The following DPY19L2 variants were observed in gnomAD, a reference collection of about 807,000 sequenced individuals.
The protein encoded by DPY19L2 is probable C-mannosyltransferase DPY19L2.
In DPY19L2, 34 loss-of-function variants were observed where a neutral mutation model predicts 97.9. The ratio of observed to expected loss-of-function variants is 0.35; its 90% confidence interval spans 0.26 to 0.46. The LOEUF (loss-of-function observed/expected upper bound fraction) is 0.46, where lower values mean the gene tolerates loss of function less well. Among genes scored for constraint, DPY19L2 ranks in the 20% least tolerant of loss-of-function variants. The pLI is 1.00. For synonymous variants in DPY19L2, 230 were observed against 307.9 expected, an observed-to-expected ratio of 0.75 and a Z score of 2.65; for missense variants, 623 against 911.4, an observed-to-expected ratio of 0.68 and a Z score of 4.07.
rs530456810 is a variant in DPY19L2, at chr12:63,661,437, C to T, written c.495G>A (p.Ser165=). The stretch of plus-strand genomic sequence containing the variant: ...TAATCATCCACAGTCCTTCCAAAAA[C>T]GAAGGTGCTTCAATAATGGTCTTGA... The part of the protein sequence containing the change: ...SYFKTIIEAP[S]FLEGLWMIMN... The change falls in exon 4 of 22, where the codon TCG becomes TCA. Residue 165 remains serine (S), a synonymous_variant. Transcript: ENST00000324472. 1.0e-4 allele frequency: 166 copies of T among 1,600,294 alleles called. No individual in the cohort carries two copies. Among genetic ancestry groups the T allele is most frequent in the East Asian group, 2.0e-4 (9 of 44,150 alleles).
At chr12:63,591,712 C>A (rs1262632186) in intron 16 of DPY19L2, among the ~76,000 whole-genome samples, 2 of 150,952 alleles carry the variant, frequency 1.3e-5, no homozygotes, top group African/African-American at 4.9e-5. Flanking sequence ...ATAATTATAC[C>A]CCCTCTGAAA....
intron 6 of DPY19L2, among the ~76,000 whole-genome samples, chr12:63,632,328 C>T (rs961817773): frequency 2.1e-4 from 32 of 152,150 alleles, no homozygotes; most frequent in African/African-American, 7.5e-4. Flanking sequence ...ACTGTCTCAA[C>T]CCAAAATCTC....
chr12:63,631,933 C>A (rs1395080616), intron 6 of DPY19L2, among the ~76,000 whole-genome samples: 8 of 152,066 alleles, frequency 5.3e-5, no homozygotes, highest in Admixed American at 3.9e-4. Context: ...TAAACATAAT[C>A]CAGCATATAA....
chr12:63,579,334 T>G (rs1271264624), intron 19 of DPY19L2, among the ~76,000 whole-genome samples: 5 of 152,186 alleles, frequency 3.3e-5, no homozygotes, highest in African/African-American at 1.2e-4. Context: ...TATACAACCG[T>G]ATATGGCAGA....
chr12:63,578,856 T>C (rs1008447053), intron 19 of DPY19L2, among the ~76,000 whole-genome samples: 4 of 152,032 alleles, frequency 2.6e-5, no homozygotes, highest in Non-Finnish European at 2.9e-5. Flanking sequence ...TTCGATGTCA[T>C]GCTATGGGGA....
intron 11 of DPY19L2, among the ~76,000 whole-genome samples, chr12:63,612,603 T>TAAAA (rs61376652): frequency 3.7e-5 from 5 of 134,010 alleles, no homozygotes; most frequent in Admixed American, 1.5e-4. Context: ...TTTATACCTT[T>TAAAA]AAAAAAAAAA....
intron 3 of DPY19L2, among the ~76,000 whole-genome samples, chr12:63,663,135 C>A (rs892799080): frequency 6.6e-6 from 1 of 152,090 alleles, no homozygotes; most frequent in Non-Finnish European, 1.5e-5. Context: ...GAGCCAGTTT[C>A]AATGCTTCAC....
intron 21 of DPY19L2, among the ~76,000 whole-genome samples, chr12:63,562,540 A>G (rs1290293244): frequency 6.6e-6 from 1 of 152,180 alleles, no homozygotes; most frequent in African/African-American, 2.4e-5. Context: ...TAATAAATAC[A>G]GTAGTTGTAT....
chr12:63,653,809 C>T (rs1894599460), intron 4 of DPY19L2, among the ~76,000 whole-genome samples: 1 of 151,682 alleles, frequency 6.6e-6, no homozygotes. Flanking sequence ...AAACCCTTAC[C>T]TAAAGGAGAA....
Position 63,560,481 on chromosome 12 carries a change from T to G in DPY19L2, c.*31A>C. ...GGGTGATTGTTTTTGACACACGGCA[T>G]TGTGCCATAGTAAAATGGGTAGTAT... On this transcript the variant is annotated 3_prime_UTR_variant, in exon 22 of 22. Coordinates refer to ENST00000324472, the MANE Select transcript of DPY19L2 (RefSeq NM_173812.5). 6.2e-7 allele frequency: 1 copy of G among 1,606,384 alleles called. No individual in the cohort carries two copies.
intron 12 of DPY19L2, 79 bp from the exon 13 acceptor site, chr12:63,600,465 A>C: frequency 8.2e-7 from 1 of 1,223,956 alleles, no homozygotes; most frequent in Non-Finnish European, 1.2e-6. Flanking sequence ...TACAAATGAC[A>C]TAGAAAAAAT....
At chr12:63,605,200 G>A (rs1280036903) in intron 12 of DPY19L2, among the ~76,000 whole-genome samples, 14 of 152,280 alleles carry the variant, frequency 9.2e-5, no homozygotes, top group African/African-American at 3.1e-4. Context: ...TGGAGGGTGA[G>A]AGACACCAGG....
intron 12 of DPY19L2, among the ~76,000 whole-genome samples, chr12:63,604,327 G>A (rs1813181656): frequency 6.6e-6 from 1 of 152,108 alleles, no homozygotes; most frequent in Non-Finnish European, 1.5e-5. Flanking sequence ...CTCTGGGTTT[G>A]TCTTACTTGG....
intron 3 of DPY19L2, among the ~76,000 whole-genome samples, chr12:63,662,708 A>G (rs982706890): frequency 1.3e-5 from 2 of 152,206 alleles, no homozygotes; most frequent in African/African-American, 4.8e-5. Flanking sequence ...ATCTGTCACC[A>G]AAGTCCAGAC....
At chr12:63,587,814 G>A (rs1305234635) in intron 16 of DPY19L2, among the ~76,000 whole-genome samples, 5 of 152,020 alleles carry the variant, frequency 3.3e-5, no homozygotes, top group East Asian at 1.9e-4. Flanking sequence ...CTCGTGATCC[G>A]CCCGCCTTGG....
intron 19 of DPY19L2, among the ~76,000 whole-genome samples, chr12:63,573,119 C>G (rs1879180099): frequency 6.6e-6 from 1 of 151,964 alleles, no homozygotes; most frequent in South Asian, 2.1e-4. Flanking sequence ...CACTAGGGGG[C>G]CAATCCTGGA....
chr12:63,596,180 A>C, intron 14 of DPY19L2, 143 bp from the exon 15 acceptor site: 2 of 452,806 alleles, frequency 4.4e-6, no homozygotes, highest in East Asian at 8.0e-5. Flanking sequence ...ATATATATTT[A>C]TTGTCTTCCA....
At chr12:63,561,047 T>G (rs1876401195) in intron 21 of DPY19L2, among the ~76,000 whole-genome samples, 1 of 152,116 alleles carries the variant, frequency 6.6e-6, no homozygotes, top group Non-Finnish European at 1.5e-5. Context: ...TCCTGATGAA[T>G]TTCACATTTT....
At chr12:63,589,477 T>C (rs997191688) in intron 16 of DPY19L2, among the ~76,000 whole-genome samples, 3 of 147,742 alleles carry the variant, frequency 2.0e-5, no homozygotes, top group Non-Finnish European at 3.0e-5. Context: ...TGATAAGTGA[T>C]AAAAGCTGAC....
Sources: allele counts gnomAD v4.1 joint callset (sites outside exome capture counted in the v4.1 genomes callset), GRCh38; gene constraint gnomAD v4.1.1; transcripts MANE v1.5; gene names NCBI Gene and HGNC (gene_info 2026-07-23, HGNC 2026-07-21).